Variants in KANK1 observed in about 807,000 individuals in gnomAD.
KANK1 encodes KN motif and ankyrin repeat domains 1.
In KANK1, 109 loss-of-function variants were observed where a neutral mutation model predicts 106.2. The observed-to-expected ratio is 1.03, with a 90% CI of 0.88 to 1.20. KANK1 has a LOEUF of 1.20. Ranked by LOEUF, KANK1 falls within the 50% of genes most tolerant of loss-of-function variation. The pLI, the probability that KANK1 is intolerant of heterozygous loss-of-function variation, is 0.00. For missense variants in KANK1, 2,399 were observed against 1,710.7 expected (o/e 1.40, Z -7.10); for synonymous variants, 873 against 652.2 (o/e 1.34, Z -5.16).
At chr9:585,521 G>A (rs1377289078) in intron 1 of KANK1, among the ~76,000 whole-genome samples, 1 of 152,114 alleles carries the variant, frequency 6.6e-6, no homozygotes, top group Non-Finnish European at 1.5e-5. Flanking sequence ...ATTTCAAAAA[G>A]CATTGACAGA....
intron 1 of KANK1, among the ~76,000 whole-genome samples, chr9:513,971 C>A (rs1176496728): frequency 6.6e-6 from 1 of 152,040 alleles, no homozygotes; most frequent in Non-Finnish European, 1.5e-5. Flanking sequence ...GAGTCAAAAT[C>A]ACGCCGCTGC....
intron 1 of KANK1, among the ~76,000 whole-genome samples, chr9:603,040 G>T (rs1828173486): frequency 6.6e-6 from 1 of 151,746 alleles, no homozygotes; most frequent in Non-Finnish European, 1.5e-5. Context: ...GAGCTCATTT[G>T]TGGGCCTTAC....
chr9:563,092 T>G (rs1816909655), intron 1 of KANK1, among the ~76,000 whole-genome samples: 1 of 152,198 alleles, frequency 6.6e-6, no homozygotes, highest in East Asian at 1.9e-4. Flanking sequence ...CAAGTACTCT[T>G]TTTTGGTTAT....
upstream of KANK1, among the ~76,000 whole-genome samples, chr9:501,944 G>C (rs2058561627): frequency 6.6e-6 from 1 of 152,200 alleles, no homozygotes; most frequent in Non-Finnish European, 1.5e-5. Flanking sequence ...TTAGTAAACG[G>C]TTCTATTCAA....
chr9:486,539 A>C (rs1205088181), intron 3 of KANK1, among the ~76,000 whole-genome samples: 1 of 152,214 alleles, frequency 6.6e-6, no homozygotes, highest in African/African-American at 2.4e-5. Flanking sequence ...TAACTTCTCC[A>C]AGGTTATATA....
rs1326060145 is a variant in KANK1 at position 710,718 on chromosome 9, T to C, written c.38-86T>C. The C allele has an allele frequency of 4.7e-6, 6 of 1,279,650 alleles. No homozygotes were observed. The African/African-American group carries it at 7.5e-5, about 16-fold the overall frequency. 79.3% of individuals were successfully genotyped at this position (1,279,650 alleles called of 1,614,324 possible). Reference sequence around the variant, plus strand: ...TGTCAACTCTTAAAATCATACCAGCTTGCTGTACTGCAACAAACACAAATA... The same window carrying C: ...TGTCAACTCTTAAAATCATACCAGCCTGCTGTACTGCAACAAACACAAATA... On this transcript the variant is annotated intron_variant, in intron 2 of 11. Coordinates refer to ENST00000382297, the MANE Select transcript of KANK1 (RefSeq NM_015158.5).
intron 1 of KANK1, among the ~76,000 whole-genome samples, chr9:565,436 A>G (rs1817572280): frequency 6.6e-6 from 1 of 152,230 alleles, no homozygotes; most frequent in Non-Finnish European, 1.5e-5. Flanking sequence ...CACTGAGACC[A>G]TGGTATTGCA....
rs1453254992 is a variant in KANK1, at chr9:744,406, T to C, written c.3898-85T>C. On this transcript the variant is annotated intron_variant, in intron 10 of 11. Coordinates refer to ENST00000382297, the MANE Select transcript of KANK1 (RefSeq NM_015158.5). ...ATATTTGGGGAACCTTGCCAATTAT[T>C]GGAGGGTGTTTTGTTCTGTTACCTT... The C allele has an allele frequency of 1.0e-5, 15 of 1,460,780 alleles. No individual in the cohort carries two copies. In the East Asian group the frequency reaches 2.8e-4, roughly 27 times the overall value. 90.5% of individuals were successfully genotyped at this position (1,460,780 alleles called of 1,614,324 possible).
intron 6 of KANK1, 116 bp downstream of exon 6, chr9:732,733 AG>A: frequency 2.6e-6 from 3 of 1,136,908 alleles, no homozygotes; most frequent in Non-Finnish European, 2.5e-6. Flanking sequence ...TGTTCCTCAG[AG>A]GTATACACAT....
At chr9:613,912 G>C (rs749810120) in intron 1 of KANK1, among the ~76,000 whole-genome samples, 15 of 152,216 alleles carry the variant, frequency 9.9e-5, no homozygotes, top group Non-Finnish European at 1.9e-4. Flanking sequence ...ATTTAACTGA[G>C]CATAAAGGAT....
intron 3 of KANK1, among the ~76,000 whole-genome samples, chr9:719,063 G>A (rs971876199): frequency 1.4e-5 from 2 of 146,180 alleles, no homozygotes; most frequent in African/African-American, 5.1e-5. Context: ...GGGTTCAAGT[G>A]ATTGTCCTGC....
At chr9:682,928 T>G (rs1817860448) in intron 2 of KANK1, among the ~76,000 whole-genome samples, 1 of 152,164 alleles carries the variant, frequency 6.6e-6, no homozygotes, top group African/African-American at 2.4e-5. Context: ...TGTGTAAATA[T>G]TTTTCTGGGC....
intron 1 of KANK1, among the ~76,000 whole-genome samples, chr9:567,573 C>T (rs901854832): frequency 1.3e-5 from 2 of 152,222 alleles, no homozygotes; most frequent in African/African-American, 4.8e-5. Flanking sequence ...CTTCCCTCTT[C>T]TAAGTACCTT....
chr9:578,152 A>G (rs965189794), intron 1 of KANK1, among the ~76,000 whole-genome samples: 7 of 152,142 alleles, frequency 4.6e-5, no homozygotes, highest in Non-Finnish European at 8.8e-5. Flanking sequence ...CCAAATGAGG[A>G]CTCCTCAGAA....
intron 1 of KANK1, among the ~76,000 whole-genome samples, chr9:584,908 T>G (rs1823071076): frequency 6.6e-6 from 1 of 152,198 alleles, no homozygotes; most frequent in Non-Finnish European, 1.5e-5. Flanking sequence ...TCTGCTTGTT[T>G]CCGTTTGCCT....
At chr9:652,184 G>A (rs1841030547) in intron 1 of KANK1, among the ~76,000 whole-genome samples, 1 of 152,046 alleles carries the variant, frequency 6.6e-6, no homozygotes. Flanking sequence ...GGAATTATTG[G>A]ACAGGTACAG....
Position 665,205 on chromosome 9 carries a change from C to T in KANK1, c.-83-11685C>T, listed in dbSNP as rs7046466. 6.6e-3 allele frequency among the ~76,000 whole-genome samples: 1,004 copies of T among 152,212 alleles called. 17 individuals carry two copies. Among genetic ancestry groups the T allele is most frequent in the African/African-American group, 0.023 (948 of 41,504 alleles). On this transcript the variant is annotated intron_variant, in intron 1 of 11. Coordinates refer to ENST00000382297, the MANE Select transcript of KANK1 (RefSeq NM_015158.5). ...ATTTGTCCATTTTCGTTTTTGTTGC[C>T]TATGCTTTTGAGAACTTAAACAAAA... is the stretch of plus-strand genomic sequence containing the variant.
At chr9:568,183 C>G (rs951750062) in intron 1 of KANK1, among the ~76,000 whole-genome samples, 1 of 152,284 alleles carries the variant, frequency 6.6e-6, no homozygotes, top group South Asian at 2.1e-4. Flanking sequence ...ATCTATAATG[C>G]ATGTTAAAAA....
chr9:673,108 C>G (rs1815567111), intron 1 of KANK1, among the ~76,000 whole-genome samples: 2 of 151,680 alleles, frequency 1.3e-5, no homozygotes, highest in African/African-American at 4.8e-5. Context: ...CGCCTGTCAG[C>G]ATGAATAATA....
Sources: gnomAD v4.1 joint callset for allele counts (sites outside exome capture counted in the v4.1 genomes callset) on GRCh38, gnomAD v4.1.1 for gene constraint, MANE v1.5 for transcripts, NCBI Gene and HGNC (gene_info 2026-07-23, HGNC 2026-07-21) for gene names.